The following MTA3 variants were observed in gnomAD, a reference collection of about 807,000 sequenced individuals.
The protein encoded by MTA3 is metastasis-associated protein MTA3.
Under a neutral mutation model 83.5 loss-of-function variants are expected in MTA3, and 34 were observed. The ratio of observed to expected loss-of-function variants is 0.41; its 90% CI spans 0.31 to 0.54. The LOEUF (loss-of-function observed/expected upper bound fraction) is 0.54. Among genes scored for constraint, MTA3 ranks in the 20% least tolerant of loss-of-function variants. MTA3 has a pLI of 0.33. For synonymous variants in MTA3, 303 were observed against 252.7 expected, an observed-to-expected ratio of 1.20 and a Z score of -1.89; for missense variants, 761 against 726.4, an observed-to-expected ratio of 1.05 and a Z score of -0.55.
chr2:42,584,240 A>G (rs1303502885), intron 3 of MTA3, among the ~76,000 whole-genome samples: 1 of 152,040 alleles, frequency 6.6e-6, no homozygotes, highest in East Asian at 1.9e-4. Flanking sequence ...ATCACTGTGT[A>G]TTAACAGTAA....
chr2:42,547,818 C>T (rs973165913), intron 2 of MTA3, among the ~76,000 whole-genome samples: 1 of 152,032 alleles, frequency 6.6e-6, no homozygotes, highest in Non-Finnish European at 1.5e-5. Context: ...ATTTAGTTCG[C>T]TTTAACGCGA....
chr2:42,656,266 C>A lies in MTA3; in HGVS notation c.566C>A (p.Thr189Lys). The change falls in exon 7 of 17, where the codon ACG becomes AAG. Residue 189 changes from threonine (T) to lysine (K), a missense_variant. Coordinates refer to ENST00000405094, the MANE Select transcript of MTA3 (RefSeq NM_001330442.2). The stretch of plus-strand genomic sequence containing the variant: ...GTTTGGGATCCAAATAGCCCACTTA[C>A]GGATCGACAGATTGACCAGTTTTTA... ...VKVWDPNSPL[T>K]DRQIDQFLVV... 6.2e-7 allele frequency: 1 copy of A among 1,613,620 alleles called. No homozygotes were observed. The highest frequency in any genetic ancestry group is 8.5e-7 in the Non-Finnish European group (1 of 1,179,686).
chr2:42,646,011 C>G (rs992095436), intron 6 of MTA3, among the ~76,000 whole-genome samples: 1 of 152,200 alleles, frequency 6.6e-6, no homozygotes, highest in African/African-American at 2.4e-5. Flanking sequence ...TGACTTGAAG[C>G]CAATCCTCGT....
At chr2:42,548,356 C>T (rs905819161) in intron 2 of MTA3, among the ~76,000 whole-genome samples, 6 of 152,126 alleles carry the variant, frequency 3.9e-5, no homozygotes, top group Non-Finnish European at 7.3e-5. Flanking sequence ...ATCCCAGCTA[C>T]TCAGGAGGCT....
chr2:42,676,229 A>G (rs1282768419), intron 8 of MTA3, among the ~76,000 whole-genome samples: 1 of 152,256 alleles, frequency 6.6e-6, no homozygotes, highest in Non-Finnish European at 1.5e-5. Context: ...CTTTGAAACA[A>G]TGAATATAAT....
chr2:42,620,387 T>A (rs1211886610), intron 4 of MTA3, among the ~76,000 whole-genome samples: 1 of 152,176 alleles, frequency 6.6e-6, no homozygotes, highest in Non-Finnish European at 1.5e-5. Context: ...CCCAAAGTGC[T>A]GGAATTACAG....
intron 16 of MTA3, among the ~76,000 whole-genome samples, chr2:42,739,276 A>G (rs1273585956): frequency 2.0e-5 from 3 of 152,190 alleles, no homozygotes; most frequent in Non-Finnish European, 2.9e-5. Context: ...GAAAATAGAA[A>G]AGAACCTACG....
At position 42,697,805 on chromosome 2, in the gene MTA3, TA is replaced by T; in HGVS notation, c.999del (p.Lys333AsnfsTer2). ...KRLKAAEAES[K>X]LKQVYIPTYS... ...GTCTAAAAGCAGCAGAAGCTGAGAGTAAACTGAAACAAGTATATATCCCAAC... is the reference window on the plus strand; with the variant it reads ...GTCTAAAAGCAGCAGAAGCTGAGAGTAACTGAAACAAGTATATATCCCAAC... On this transcript the variant is annotated frameshift_variant, in exon 11 of 17. Coordinates refer to ENST00000405094, the MANE Select transcript of MTA3 (RefSeq NM_001330442.2). LOFTEE classifies it high-confidence loss of function. 1 of 1,544,950 alleles carries T rather than the reference TA, an allele frequency of 6.5e-7. No individual in the cohort carries two copies. Among genetic ancestry groups the T allele is most frequent in the Admixed American group, 2.1e-5 (1 of 48,246 alleles).
chr2:42,498,327 C>T (rs1558397725), intron 2 of MTA3, among the ~76,000 whole-genome samples: 1 of 152,154 alleles, frequency 6.6e-6, no homozygotes, highest in Admixed American at 6.5e-5. Context: ...AGAATGACCC[C>T]TGTAGAAGGT....
At chr2:42,719,979 G>T (rs1310289319) in intron 15 of MTA3, among the ~76,000 whole-genome samples, 2 of 152,146 alleles carry the variant, frequency 1.3e-5, no homozygotes, top group African/African-American at 4.8e-5. Flanking sequence ...ACTCAGAGTT[G>T]CTTTGACAGA....
chr2:42,626,940 C>T (rs774341247), intron 4 of MTA3, among the ~76,000 whole-genome samples: 10 of 151,960 alleles, frequency 6.6e-5, no homozygotes, highest in Non-Finnish European at 1.5e-4. Context: ...TGGGTTTCAC[C>T]ATGTTGGCCA....
chr2:42,640,479 A>G (rs1687606704), intron 5 of MTA3, among the ~76,000 whole-genome samples: 1 of 152,222 alleles, frequency 6.6e-6, no homozygotes. Context: ...AGAGAATGGT[A>G]CATGGATTTA....
chr2:42,610,566 A>C (rs1161451889), intron 4 of MTA3, among the ~76,000 whole-genome samples: 1 of 152,214 alleles, frequency 6.6e-6, no homozygotes, highest in African/African-American at 2.4e-5. Flanking sequence ...TTGTTGAGGA[A>C]AAACGGTGGT....
chr2:42,728,765 A>C (rs1278946099), intron 16 of MTA3, among the ~76,000 whole-genome samples: 1 of 152,186 alleles, frequency 6.6e-6, no homozygotes, highest in East Asian at 1.9e-4. Flanking sequence ...TCTTTTGAGA[A>C]ATGTCTTTTC....
intron 2 of MTA3, among the ~76,000 whole-genome samples, chr2:42,498,415 G>T (rs913520845): frequency 6.6e-6 from 1 of 152,228 alleles, no homozygotes; most frequent in Non-Finnish European, 1.5e-5. Context: ...GCCAGGAAGA[G>T]AAAGTCTCCG....
intron 14 of MTA3, among the ~76,000 whole-genome samples, chr2:42,714,932 A>T (rs895451697): frequency 3.3e-5 from 5 of 152,164 alleles, no homozygotes; most frequent in Admixed American, 1.3e-4. Flanking sequence ...CCAGTTCCTA[A>T]CTTGCTACCA....
intron 2 of MTA3, among the ~76,000 whole-genome samples, chr2:42,536,449 T>C (rs934605121): frequency 1.3e-5 from 2 of 151,934 alleles, no homozygotes; most frequent in African/African-American, 2.4e-5. Context: ...CACTCCAGCC[T>C]GGGCAACAAG....
intron 11 of MTA3, among the ~76,000 whole-genome samples, chr2:42,699,246 G>A (rs1573667769): frequency 1.3e-5 from 2 of 152,084 alleles, no homozygotes; most frequent in East Asian, 3.9e-4. Flanking sequence ...CTGTCACCGT[G>A]GTTTAAGTGC....
At chr2:42,516,301 A>C (rs1675143019) in intron 2 of MTA3, among the ~76,000 whole-genome samples, 1 of 152,208 alleles carries the variant, frequency 6.6e-6, no homozygotes, top group Non-Finnish European at 1.5e-5. Flanking sequence ...CTTGGATTTT[A>C]GGTTGGGAAG....
Sources: allele counts gnomAD v4.1 joint callset (sites outside exome capture counted in the v4.1 genomes callset), GRCh38; gene constraint gnomAD v4.1.1; transcripts MANE v1.5; gene names NCBI Gene and HGNC (gene_info 2026-07-23, HGNC 2026-07-21).